PTPRG: variants seen among roughly 807,000 people sequenced by gnomAD.
The protein encoded by PTPRG is receptor-type tyrosine-protein phosphatase gamma.
PTPRG carries 102 observed loss-of-function variants against 165.3 expected under a neutral mutation model. The ratio of observed to expected loss-of-function variants is 0.62; its 90% CI spans 0.53 to 0.73. The LOEUF (loss-of-function observed/expected upper bound fraction) is 0.73. PTPRG is among the 30% of genes least tolerant of loss of function. The probability of loss-of-function intolerance (pLI) is 0.00; values close to 1 mark genes in which losing one functional copy is unlikely to be tolerated. For synonymous variants in PTPRG, 675 were observed against 669.5 expected (o/e 1.01, Z -0.13); for missense variants, 1,866 against 1,861.4 (o/e 1.00, Z -0.05).
At position 62,267,470 on chromosome 3, in the gene PTPRG, A is replaced by T; in HGVS notation, c.2717A>T (p.Tyr906Phe). The change falls in exon 18 of 30, where the codon TAC (tyrosine) becomes TTC (phenylalanine). Residue 906 changes from tyrosine (Y) to phenylalanine (F), a missense_variant. Physicochemically the swap from Tyr to Phe is conservative, Grantham distance 22. Around this residue, in one of 3 missense-constraint regions of PTPRG, gnomAD observed 1,452 missense variants for 1,463.0 expected, o/e 0.99. Transcript: ENST00000474889. ...LPGKDSKHSDYINANYVDGYN... is the reference protein window; with the variant it reads ...LPGKDSKHSDFINANYVDGYN... ...GGAAAAGACTCTAAGCACAGCGACT[A>T]CATTAATGCAAACTATGTTGATGTA... 6.2e-7 allele frequency: 1 copy of T among 1,611,452 alleles called. No individual in the cohort carries two copies. The highest frequency in any genetic ancestry group is 8.5e-7 in the Non-Finnish European group (1 of 1,177,896).
At chr3:61,953,469 G>C (rs2039946057) in intron 2 of PTPRG, among the ~76,000 whole-genome samples, 1 of 152,166 alleles carries the variant, frequency 6.6e-6, no homozygotes, top group Non-Finnish European at 1.5e-5. Context: ...CTAGGAACGT[G>C]AGCACTTCTG....
chr3:62,216,610 C>A (rs1700516144), intron 12 of PTPRG, among the ~76,000 whole-genome samples: 1 of 148,142 alleles, frequency 6.8e-6, no homozygotes, highest in Non-Finnish European at 1.5e-5. Flanking sequence ...CAAAATTATT[C>A]TTATTTGCAA....
intron 6 of PTPRG, among the ~76,000 whole-genome samples, chr3:62,148,719 G>A (rs1378023148): frequency 7.9e-5 from 12 of 152,156 alleles, no homozygotes; most frequent in African/African-American, 2.4e-4. Context: ...CTGAGGTCAC[G>A]CCACTGCACT....
At chr3:61,742,045 G>A (rs1484026674) in intron 1 of PTPRG, among the ~76,000 whole-genome samples, 1 of 152,086 alleles carries the variant, frequency 6.6e-6, no homozygotes, top group African/African-American at 2.4e-5. Flanking sequence ...TCTATGTCAC[G>A]AATGCTGTTT....
chr3:61,683,806 C>T (rs1479193247), intron 1 of PTPRG, among the ~76,000 whole-genome samples: 3 of 152,202 alleles, frequency 2.0e-5, no homozygotes, highest in Non-Finnish European at 4.4e-5. Context: ...GCAAATAAAA[C>T]CACACTTTAA....
intron 1 of PTPRG, among the ~76,000 whole-genome samples, chr3:61,704,840 A>T (rs1408653583): frequency 6.6e-6 from 1 of 152,216 alleles, no homozygotes; most frequent in Non-Finnish European, 1.5e-5. Flanking sequence ...TTCAGATAGG[A>T]TTAATAGCCA....
intron 2 of PTPRG, among the ~76,000 whole-genome samples, chr3:61,768,247 A>C (rs2034096938): frequency 6.6e-6 from 1 of 152,232 alleles, no homozygotes; most frequent in Admixed American, 6.5e-5. Context: ...TGTAACTCAC[A>C]GGTATGATGT....
intron 2 of PTPRG, among the ~76,000 whole-genome samples, chr3:61,912,301 A>G (rs1265932329): frequency 6.6e-6 from 1 of 152,096 alleles, no homozygotes; most frequent in Non-Finnish European, 1.5e-5. Context: ...TAACTCTTCT[A>G]TTTACTTGGG....
intron 5 of PTPRG, among the ~76,000 whole-genome samples, chr3:62,109,873 G>C (rs987819333): frequency 6.6e-6 from 1 of 152,066 alleles, no homozygotes; most frequent in Non-Finnish European, 1.5e-5. Flanking sequence ...GTGCTGGTCC[G>C]CTCTCACTCC....
chr3:62,000,423 G>C (rs948972494), intron 3 of PTPRG, among the ~76,000 whole-genome samples: 9 of 152,150 alleles, frequency 5.9e-5, no homozygotes, highest in African/African-American at 2.2e-4. Context: ...GAACGGTGCA[G>C]ACCTAGGCAA....
intron 1 of PTPRG, among the ~76,000 whole-genome samples, chr3:61,620,463 G>T (rs1039817239): frequency 6.6e-6 from 1 of 151,928 alleles, no homozygotes; most frequent in Admixed American, 6.6e-5. Context: ...ATTTGTAATG[G>T]TCAACCATTA....
chr3:61,568,207 G>GT (rs1325731549), intron 1 of PTPRG, among the ~76,000 whole-genome samples: 3 of 152,126 alleles, frequency 2.0e-5, no homozygotes, highest in Non-Finnish European at 4.4e-5. Flanking sequence ...CTGTATTTAC[G>GT]TCTCCTTGCT....
At chr3:61,631,192 C>A (rs1701766699) in intron 1 of PTPRG, among the ~76,000 whole-genome samples, 1 of 148,708 alleles carries the variant, frequency 6.7e-6, no homozygotes, top group Non-Finnish European at 1.5e-5. Flanking sequence ...TTACTACTAT[C>A]TTGAAATTGT....
chr3:61,731,799 TTTTTTTC>T (rs1355261180), intron 1 of PTPRG, among the ~76,000 whole-genome samples: 1 of 152,138 alleles, frequency 6.6e-6, no homozygotes, highest in African/African-American at 2.4e-5. Flanking sequence ...TAGGTACTTT[TTTTTTTC>T]TTTTTTCTTT....
intron 1 of PTPRG, among the ~76,000 whole-genome samples, chr3:61,706,126 G>A (rs1023696847): frequency 2.0e-5 from 3 of 151,952 alleles, no homozygotes; most frequent in Non-Finnish European, 4.4e-5. Context: ...GCCATCTATC[G>A]ACACTTTGCA....
At chr3:62,014,195 C>T (rs2041488836) in intron 4 of PTPRG, among the ~76,000 whole-genome samples, 1 of 152,144 alleles carries the variant, frequency 6.6e-6, no homozygotes, top group East Asian at 1.9e-4. Context: ...TTCCTCTCTT[C>T]CCTTTAAATC....
intron 1 of PTPRG, among the ~76,000 whole-genome samples, chr3:61,747,570 A>G (rs914916059): frequency 7.9e-5 from 12 of 152,214 alleles, no homozygotes; most frequent in African/African-American, 2.7e-4. Context: ...CTATTGTTCA[A>G]GCATTACATC....
intron 2 of PTPRG, among the ~76,000 whole-genome samples, chr3:61,842,656 A>G (rs1216527402): frequency 6.7e-6 from 1 of 149,722 alleles, no homozygotes; most frequent in Non-Finnish European, 1.5e-5. Context: ...TGAATTTTTC[A>G]AACCCTCTCA....
At chr3:61,564,339 C>T (rs886903516) in intron 1 of PTPRG, among the ~76,000 whole-genome samples, 3 of 152,104 alleles carry the variant, frequency 2.0e-5, no homozygotes, top group Non-Finnish European at 2.9e-5. Flanking sequence ...TCCAATTCCA[C>T]TTCTGTCCTT....
Sources: allele counts gnomAD v4.1 joint callset (sites outside exome capture counted in the v4.1 genomes callset), GRCh38; gene constraint gnomAD v4.1.1; regional missense constraint gnomAD v4.1.1; transcripts MANE v1.5; gene names NCBI Gene and HGNC (gene_info 2026-07-23, HGNC 2026-07-21).